Variants in KHDRBS2 observed in about 807,000 individuals in gnomAD.
The protein encoded by KHDRBS2 is KH domain-containing, RNA-binding, signal transduction-associated protein 2.
A neutral mutation model predicts 44.3 loss-of-function variants in KHDRBS2; 26 were observed. The ratio of observed to expected loss-of-function variants is 0.59; its 90% CI spans 0.43 to 0.81. KHDRBS2 has a LOEUF of 0.81. Ranked by LOEUF, KHDRBS2 falls within the 40% of genes least tolerant of loss-of-function variation. The pLI is 0.00. For synonymous variants in KHDRBS2, 194 were observed against 151.1 expected (o/e 1.28, Z -2.08); for missense variants, 476 against 433.1 (o/e 1.10, Z -0.88).
At chr6:61,941,817 A>G (rs1812184683) in intron 4 of KHDRBS2, among the ~76,000 whole-genome samples, 1 of 152,200 alleles carries the variant, frequency 6.6e-6, no homozygotes, top group Non-Finnish European at 1.5e-5. Context: ...GTTACACCAG[A>G]TGTGCAGATG....
intron 4 of KHDRBS2, among the ~76,000 whole-genome samples, chr6:61,919,064 A>G (rs895642801): frequency 6.6e-6 from 1 of 151,948 alleles, no homozygotes; most frequent in Admixed American, 6.6e-5. Context: ...CAATTCAACT[A>G]TATGGCGAGC....
At chr6:62,058,003 A>G (rs1165619419) in intron 2 of KHDRBS2, among the ~76,000 whole-genome samples, 1 of 151,986 alleles carries the variant, frequency 6.6e-6, no homozygotes, top group Non-Finnish European at 1.5e-5. Flanking sequence ...TCACATCAAT[A>G]ATATTGGGCA....
At chr6:62,181,928 A>G (rs1822394809) in intron 1 of KHDRBS2, among the ~76,000 whole-genome samples, 2 of 152,102 alleles carry the variant, frequency 1.3e-5, no homozygotes, top group South Asian at 2.1e-4. Context: ...CTACCCAGAT[A>G]CTGAATCTGC....
chr6:61,826,915 T>C (rs960086139), intron 6 of KHDRBS2, among the ~76,000 whole-genome samples: 3 of 152,198 alleles, frequency 2.0e-5, no homozygotes, highest in African/African-American at 7.2e-5. Flanking sequence ...ACGACATAGC[T>C]AGCTAGAAGA....
In KHDRBS2 at chr6:61,823,920, T is replaced by A. The variant is rs183205880; in HGVS notation, c.810+70715A>T. On this transcript the variant is annotated intron_variant, in intron 6 of 8. Transcript: ENST00000281156. The stretch of plus-strand genomic sequence containing the variant: ...AAATAACATGCTCCAAAATGTGAGA[T>A]CCAAGTTAAATCATGTAGAAATATT... 1.2e-3 allele frequency among the ~76,000 whole-genome samples: 189 copies of A among 152,230 alleles called. 1 individual carries two copies. The highest frequency in any genetic ancestry group is 4.3e-3 in the African/African-American group (177 of 41,552).
At chr6:61,765,505 A>G (rs1779875851) in intron 6 of KHDRBS2, among the ~76,000 whole-genome samples, 3 of 152,016 alleles carry the variant, frequency 2.0e-5, no homozygotes, top group Admixed American at 2.0e-4. Flanking sequence ...AGGATCCTAC[A>G]TTCTTTTTTT....
At chr6:62,055,837 T>C (rs937448244) in intron 2 of KHDRBS2, among the ~76,000 whole-genome samples, 60 of 152,022 alleles carry the variant, frequency 3.9e-4, no homozygotes, top group African/African-American at 1.3e-3. Flanking sequence ...TCGCAAGTCA[T>C]AGAGATCAGA....
the KHDRBS2 span, chr6:61,630,347 G>C: frequency 2.3e-5 from 3 of 127,714 alleles, no homozygotes; most frequent in Non-Finnish European, 5.1e-5. Context: ...AACATTTTTT[G>C]TAGGTAGAGC....
chr6:61,652,854 C>G, the KHDRBS2 span, among the ~76,000 whole-genome samples: 1 of 152,018 alleles, frequency 6.6e-6, no homozygotes, highest in South Asian at 2.1e-4. Flanking sequence ...TTGGTAAAAT[C>G]TAGAAGACAT....
Position 62,217,332 on chromosome 6 carries a change from T to C in KHDRBS2, c.92-40020A>G, listed in dbSNP as rs866362784. ...GCCTTTCACAACTGGGTTGTGACTT[T>C]TTTATTTAAGGAGTATATATTCAAC... On this transcript the variant is annotated intron_variant, in intron 1 of 8. Coordinates refer to ENST00000281156, the MANE Select transcript of KHDRBS2 (RefSeq NM_152688.4). Among the ~76,000 whole-genome samples, 38 of 151,984 alleles carry C rather than the reference T, an allele frequency of 2.5e-4. 2 individuals are homozygous for C. The Middle Eastern group carries it at 0.01, about 41-fold the overall frequency.
At chr6:62,209,993 T>C (rs1232315546) in intron 1 of KHDRBS2, among the ~76,000 whole-genome samples, 7 of 152,266 alleles carry the variant, frequency 4.6e-5, no homozygotes, top group Middle Eastern at 3.4e-3. Context: ...GGATGGCCTA[T>C]TGAGGTACTT....
intron 6 of KHDRBS2, among the ~76,000 whole-genome samples, chr6:61,851,782 T>A (rs1475673277): frequency 6.6e-6 from 1 of 152,250 alleles, no homozygotes; most frequent in Non-Finnish European, 1.5e-5. Flanking sequence ...TTAAAAAAGA[T>A]ATTCAATATG....
chr6:61,648,243 T>C, the KHDRBS2 span, among the ~76,000 whole-genome samples: 1 of 152,110 alleles, frequency 6.6e-6, no homozygotes, highest in South Asian at 2.1e-4. Context: ...GCTTGAGATA[T>C]TTTTATATTA....
At chr6:61,827,817 T>C (rs1174224042) in intron 6 of KHDRBS2, among the ~76,000 whole-genome samples, 1 of 152,086 alleles carries the variant, frequency 6.6e-6, no homozygotes, top group African/African-American at 2.4e-5. Flanking sequence ...AAGGCACTAA[T>C]CCCATCATGA....
At chr6:62,186,441 T>A (rs1016885141) in intron 1 of KHDRBS2, among the ~76,000 whole-genome samples, 2 of 152,062 alleles carry the variant, frequency 1.3e-5, no homozygotes, top group African/African-American at 4.8e-5. Flanking sequence ...ATCGTGACAG[T>A]CAATGTCATG....
intron 2 of KHDRBS2, among the ~76,000 whole-genome samples, chr6:62,127,341 A>G (rs1044211776): frequency 6.6e-6 from 1 of 152,182 alleles, no homozygotes; most frequent in Non-Finnish European, 1.5e-5. Flanking sequence ...TAAAAAAAAC[A>G]AACTTTGGCC....
intron 6 of KHDRBS2, among the ~76,000 whole-genome samples, chr6:61,869,981 T>TTCTTG (rs1554252310): frequency 6.8e-6 from 1 of 147,158 alleles, no homozygotes; most frequent in Non-Finnish European, 1.5e-5. Flanking sequence ...TTTTTTTTTT[T>TTCTTG]TTTTTTCCCC....
chr6:61,734,142 C>A (rs529259356), intron 6 of KHDRBS2, among the ~76,000 whole-genome samples: 1 of 152,096 alleles, frequency 6.6e-6, no homozygotes, highest in African/African-American at 2.4e-5. Flanking sequence ...CGTGGTCTTA[C>A]CATCATATAA....
At chr6:61,619,764 T>TA in the KHDRBS2 span, among the ~76,000 whole-genome samples, 79 of 152,170 alleles carry the variant, frequency 5.2e-4, no homozygotes, top group Admixed American at 2.3e-3. Context: ...TATTTTTTTT[T>TA]AATGGCTGAG....
Sources: allele counts gnomAD v4.1 joint callset (sites outside exome capture counted in the v4.1 genomes callset), GRCh38; gene constraint gnomAD v4.1.1; transcripts MANE v1.5; gene names NCBI Gene and HGNC (gene_info 2026-07-23, HGNC 2026-07-21).